Variants in SATB2 observed in about 807,000 individuals in gnomAD.
The protein encoded by SATB2 is SATB homeobox 2, also known as DNA-binding protein SATB2.
A neutral mutation model predicts 73.4 loss-of-function variants in SATB2; 1 was observed. The observed-to-expected ratio is 0.01, with a 90% CI of 0.00 to 0.06. The LOEUF (loss-of-function observed/expected upper bound fraction) is 0.06. Among genes scored for constraint, SATB2 ranks in the 10% least tolerant of loss-of-function variants. The pLI is 1.00. For synonymous variants in SATB2, 397 were observed against 367.0 expected, an observed-to-expected ratio of 1.08 and a Z score of -0.93; for missense variants, 459 against 945.8, an observed-to-expected ratio of 0.49 and a Z score of 6.75.
Position 199,270,415 on chromosome 2 carries a change from AAC to A in SATB2, c.*1794_*1795del, listed in dbSNP as rs1434868830. 9 of 152,616 alleles carry A rather than the reference AAC, an allele frequency of 5.9e-5. No homozygotes were observed. Among genetic ancestry groups the A allele is most frequent in the Non-Finnish European group, 1.2e-4 (8 of 68,002 alleles). 9.5% of individuals were successfully genotyped at this position (152,616 alleles called of 1,614,324 possible). A position where few individuals can be genotyped will look rare whatever the true frequency, so the allele number is the denominator to read the frequency against. The stretch of plus-strand genomic sequence containing the variant: ...ACCTTTCAAATATATAAATAGTATT[AAC>A]AGTTATATTACAATGTTTGTGTAGT... On this transcript the variant is annotated 3_prime_UTR_variant, in exon 11 of 11. Coordinates refer to ENST00000417098, the MANE Select transcript of SATB2 (RefSeq NM_001172509.2).
intron 2 of SATB2, among the ~76,000 whole-genome samples, chr2:199,444,780 C>T (rs949651187): frequency 7.9e-5 from 12 of 152,162 alleles, no homozygotes; most frequent in East Asian, 5.8e-4. Context: ...GGCACCATCA[C>T]GCTACATCTA....
At chr2:199,439,609 G>A (rs1361412730) in intron 2 of SATB2, among the ~76,000 whole-genome samples, 1 of 152,160 alleles carries the variant, frequency 6.6e-6, no homozygotes, top group Admixed American at 6.5e-5. Context: ...GAAAAAGTGA[G>A]GGATGGCTAC....
At chr2:199,451,208 T>C (rs1307269455) in intron 2 of SATB2, among the ~76,000 whole-genome samples, 1 of 151,888 alleles carries the variant, frequency 6.6e-6, no homozygotes, top group African/African-American at 2.4e-5. Flanking sequence ...CCAAAATTAC[T>C]TGAAACATCA....
chr2:199,387,253 A>G (rs1038294585), intron 3 of SATB2, among the ~76,000 whole-genome samples: 5 of 152,190 alleles, frequency 3.3e-5, no homozygotes, highest in African/African-American at 1.2e-4. Context: ...CAGCTCTGCT[A>G]CCGATGCCCT....
intron 9 of SATB2, among the ~76,000 whole-genome samples, chr2:199,323,267 TC>T (rs1687937127): frequency 6.6e-6 from 1 of 152,110 alleles, no homozygotes; most frequent in Non-Finnish European, 1.5e-5. Context: ...TACTCTGCAC[TC>T]CCCCCACGTG....
intron 10 of SATB2, among the ~76,000 whole-genome samples, chr2:199,302,337 C>G (rs1057008068): frequency 6.6e-6 from 1 of 152,146 alleles, no homozygotes; most frequent in Non-Finnish European, 1.5e-5. Flanking sequence ...ACTTTCAAAT[C>G]TCTTTATATT....
At chr2:199,465,374 T>C (rs1434408302), upstream of SATB2, among the ~76,000 whole-genome samples, 1 of 152,252 alleles carries the variant, frequency 6.6e-6, no homozygotes, top group Non-Finnish European at 1.5e-5. Context: ...CCGTTGGATA[T>C]GACAGAAAGA....
intron 7 of SATB2, among the ~76,000 whole-genome samples, chr2:199,346,713 T>C (rs1187704216): frequency 6.6e-6 from 1 of 152,178 alleles, no homozygotes; most frequent in Non-Finnish European, 1.5e-5. Context: ...CAGACCCTCT[T>C]TAACAATGAA....
chr2:199,436,370 A>C (rs138948241), intron 2 of SATB2, among the ~76,000 whole-genome samples: 1 of 152,242 alleles, frequency 6.6e-6, no homozygotes, highest in African/African-American at 2.4e-5. Flanking sequence ...AGCTGACAAC[A>C]GTAATGACTT....
chr2:199,386,375 C>T (rs557877283), intron 3 of SATB2, among the ~76,000 whole-genome samples: 4 of 152,142 alleles, frequency 2.6e-5, no homozygotes, highest in African/African-American at 9.6e-5. Context: ...GCGCTCATTC[C>T]AAGGGGAGAA....
Position 199,433,469 on chromosome 2 carries a change from G to C in SATB2, c.215C>G (p.Ser72Cys), listed in dbSNP as rs755238845. ...TTCTTCTCTGTTGTCATATTCAAGA[G>C]AGCCGTCCAACTGCTCCACGACACA... is the stretch of plus-strand genomic sequence containing the variant. ...VFCVVEQLDG[S>C]LEYDNREEHA... The change falls in exon 3 of 11, where the codon TCT (serine) becomes TGT (cysteine). Residue 72 changes from serine to cysteine, a missense_variant. This residue lies in a region of SATB2 where 74 missense variants were observed against 113.3 expected (regional missense o/e 0.65). Coordinates refer to ENST00000417098, the MANE Select transcript of SATB2 (RefSeq NM_001172509.2). The C allele has an allele frequency of 6.2e-7, 1 of 1,614,140 alleles. No homozygotes were observed. Among genetic ancestry groups the C allele is most frequent in the South Asian group, 1.1e-5 (1 of 91,078 alleles).
intron 10 of SATB2, among the ~76,000 whole-genome samples, chr2:199,294,967 G>T (rs1406654835): frequency 2.0e-5 from 3 of 152,008 alleles, no homozygotes; most frequent in African/African-American, 7.3e-5. Context: ...CTGTTAATTT[G>T]TTCCTGTTTT....
At chr2:199,381,961 A>C in intron 3 of SATB2, 141 bp from the exon 4 acceptor site, 1 of 931,742 alleles carries the variant, frequency 1.1e-6, no homozygotes, top group Non-Finnish European at 1.7e-6. Context: ...GCAATAAGCT[A>C]TTTCTTTCTG....
chr2:199,444,689 G>A (rs1376034445), intron 2 of SATB2, among the ~76,000 whole-genome samples: 16 of 152,102 alleles, frequency 1.1e-4, no homozygotes, highest in Admixed American at 9.8e-4. Flanking sequence ...ATTTCATCTG[G>A]GGTTAACTTA....
chr2:199,373,171 G>A (rs1209453911), intron 5 of SATB2, among the ~76,000 whole-genome samples: 1 of 151,976 alleles, frequency 6.6e-6, no homozygotes, highest in Non-Finnish European at 1.5e-5. Context: ...GAAGAGGAGG[G>A]GCATCCCCTA....
chr2:199,278,011 G>A (rs1266863791), intron 10 of SATB2, among the ~76,000 whole-genome samples: 1 of 152,118 alleles, frequency 6.6e-6, no homozygotes, highest in Non-Finnish European at 1.5e-5. Flanking sequence ...GAGAAAAATT[G>A]AACAAAGTCT....
At chr2:199,435,162 A>T (rs181562647) in intron 2 of SATB2, among the ~76,000 whole-genome samples, 14 of 151,534 alleles carry the variant, frequency 9.2e-5, no homozygotes, top group Admixed American at 8.5e-4. Context: ...TTTATTTAAA[A>T]ATATAAGATA....
chr2:199,412,526 A>T (rs1035202612), intron 3 of SATB2, among the ~76,000 whole-genome samples: 2 of 152,234 alleles, frequency 1.3e-5, no homozygotes, highest in Non-Finnish European at 2.9e-5. Flanking sequence ...CGTCTGCTTC[A>T]GCATGGCATT....
intron 10 of SATB2, among the ~76,000 whole-genome samples, chr2:199,290,887 A>C (rs1421171269): frequency 6.6e-6 from 1 of 152,190 alleles, no homozygotes; most frequent in Admixed American, 6.5e-5. Flanking sequence ...CAGCAAAACA[A>C]CAAATAAAAA....
Sources: allele counts gnomAD v4.1 joint callset (sites outside exome capture counted in the v4.1 genomes callset), GRCh38; gene constraint gnomAD v4.1.1; regional missense constraint gnomAD v4.1.1; transcripts MANE v1.5; gene names NCBI Gene and HGNC (gene_info 2026-07-23, HGNC 2026-07-21).